PRKCA: variants seen among roughly 807,000 people sequenced by gnomAD.
The protein encoded by PRKCA is protein kinase C alpha type.
PRKCA carries 27 observed loss-of-function variants against 87.0 expected under a neutral mutation model. The ratio of observed to expected loss-of-function variants is 0.31; its 90% CI spans 0.23 to 0.43. The LOEUF (loss-of-function observed/expected upper bound fraction) is 0.43. PRKCA is among the 20% of genes least tolerant of loss of function. The probability of loss-of-function intolerance (pLI) is 1.00; values close to 1 mark genes in which losing one functional copy is unlikely to be tolerated. For missense variants in PRKCA, 518 were observed against 852.3 expected (o/e 0.61, Z 4.88); for synonymous variants, 329 against 311.1 (o/e 1.06, Z -0.61).
In PRKCA at chr17:66,797,677, T is replaced by C. The variant is rs1424727917; in HGVS notation, c.1855-6196T>C. The stretch of plus-strand genomic sequence containing the variant: ...CCAAAGCTATATACATTGGGGCTCT[T>C]GATCTCTGGCCACATCCTTCTCCCC... On this transcript the variant is annotated intron_variant, in intron 16 of 16. Coordinates refer to ENST00000413366, the MANE Select transcript of PRKCA (RefSeq NM_002737.3). Among the ~76,000 whole-genome samples the C allele has an allele frequency of 3.9e-5, 6 of 152,190 alleles. No homozygotes were observed. The East Asian group carries it at 1.2e-3, about 29-fold the overall frequency.
rs192852935 is a variant in PRKCA, at chr17:66,452,725, G to C, written c.206-43476G>C. The stretch of plus-strand genomic sequence containing the variant: ...TAACTAGACAAAAAATTAGCTGGGC[G>C]TGGTGGCGGGTGCCTGTAGTCCCAG... On this transcript the variant is annotated intron_variant, in intron 2 of 16. Coordinates refer to ENST00000413366, the MANE Select transcript of PRKCA (RefSeq NM_002737.3). 6.4e-3 allele frequency among the ~76,000 whole-genome samples: 979 copies of C among 152,222 alleles called. 4 individuals carry two copies. The highest frequency in any genetic ancestry group is 0.01 in the Middle Eastern group (3 of 294).
At chr17:66,308,104 G>A (rs1002425736) in intron 2 of PRKCA, among the ~76,000 whole-genome samples, 6 of 152,166 alleles carry the variant, frequency 3.9e-5, no homozygotes, top group East Asian at 1.9e-4. Context: ...TTTGTAATTC[G>A]TTCTTACTAG....
At chr17:66,380,097 G>A (rs1421733031) in intron 2 of PRKCA, among the ~76,000 whole-genome samples, 1 of 152,052 alleles carries the variant, frequency 6.6e-6, no homozygotes, top group Non-Finnish European at 1.5e-5. Context: ...AAATTGAGCT[G>A]ACTACTAAGA....
At chr17:66,361,461 G>A (rs984912560) in intron 2 of PRKCA, among the ~76,000 whole-genome samples, 1 of 151,810 alleles carries the variant, frequency 6.6e-6, no homozygotes, top group Non-Finnish European at 1.5e-5. Flanking sequence ...ACAGGCACCC[G>A]CCACCACGCC....
At position 66,525,929 on chromosome 17, in the gene PRKCA, C is replaced by T. The variant is rs73338577; in HGVS notation, c.288+29646C>T. ...TATAAACAATATTTTATTTAATGCC[C>T]TTGCTAATAATACTTCCTATAAATA... On this transcript the variant is annotated intron_variant, in intron 3 of 16. Coordinates refer to ENST00000413366, the MANE Select transcript of PRKCA (RefSeq NM_002737.3). 0.014 allele frequency among the ~76,000 whole-genome samples: 2,176 copies of T among 152,088 alleles called. 116 individuals are homozygous for T. The East Asian group carries it at 0.2, about 14-fold the overall frequency.
intron 2 of PRKCA, among the ~76,000 whole-genome samples, chr17:66,414,191 G>A (rs1376113123): frequency 1.3e-5 from 2 of 152,120 alleles, no homozygotes; most frequent in Non-Finnish European, 2.9e-5. Flanking sequence ...GTGATCCCCA[G>A]TGTTGGAGGT....
At position 66,626,844 on chromosome 17, in the gene PRKCA, A is replaced by G. The variant is rs112391400; in HGVS notation, c.289-14511A>G. On this transcript the variant is annotated intron_variant, in intron 3 of 16. Transcript: ENST00000413366. ...AAATGTTGAGTTATTCTAAGTTTAA[A>G]GTGGCTAATAGGAGAAACAATAATT... Among the ~76,000 whole-genome samples the G allele has an allele frequency of 3.5e-4, 54 of 152,314 alleles. 1 individual carries two copies. The highest frequency in any genetic ancestry group is 1.3e-3 in the African/African-American group (52 of 41,584).
Position 66,763,066 on chromosome 17 carries a change from C to T in PRKCA, c.1525-10921C>T, listed in dbSNP as rs187132348. 3.4e-4 allele frequency among the ~76,000 whole-genome samples: 52 copies of T among 152,362 alleles called. 1 individual carries two copies. In the East Asian group the frequency reaches 9.6e-3, roughly 28 times the overall value. On this transcript the variant is annotated intron_variant, in intron 13 of 16. Coordinates refer to ENST00000413366, the MANE Select transcript of PRKCA (RefSeq NM_002737.3). The stretch of plus-strand genomic sequence containing the variant: ...TTGGCCTCCCAAAGTGCTGGGATTA[C>T]AGGCATGAGCCACTGTGCCCAGCTT...
intron 3 of PRKCA, among the ~76,000 whole-genome samples, chr17:66,504,487 G>A (rs1301085165): frequency 6.6e-6 from 1 of 152,138 alleles, no homozygotes. Context: ...AGCTACTTGG[G>A]AGACTGAGGC....
At chr17:66,378,060 C>T (rs181289861) in intron 2 of PRKCA, among the ~76,000 whole-genome samples, 3 of 152,268 alleles carry the variant, frequency 2.0e-5, no homozygotes, top group Admixed American at 6.5e-5. Flanking sequence ...TGGTGGCTTA[C>T]GCCTGTAATC....
chr17:66,778,309 T>G (rs531555480), intron 14 of PRKCA: 64 of 740,862 alleles, frequency 8.6e-5, no homozygotes, highest in Non-Finnish European at 9.9e-5. Flanking sequence ...GTCAGGAGAT[T>G]GAGACCATCC....
At chr17:66,403,225 T>C (rs1911141972) in intron 2 of PRKCA, among the ~76,000 whole-genome samples, 2 of 152,212 alleles carry the variant, frequency 1.3e-5, no homozygotes, top group Admixed American at 6.5e-5. Context: ...TGGTTTAATA[T>C]TACATGTTTT....
chr17:66,796,897 T>C (rs1397133966), intron 16 of PRKCA: 6 of 985,242 alleles, frequency 6.1e-6, no homozygotes, highest in Non-Finnish European at 7.2e-6. Context: ...AAGGGGTAGC[T>C]CCCACCTCGT....
intron 2 of PRKCA, among the ~76,000 whole-genome samples, chr17:66,369,682 G>A (rs1001311233): frequency 6.6e-6 from 1 of 152,130 alleles, no homozygotes; most frequent in East Asian, 1.9e-4. Flanking sequence ...ATTGGATCTG[G>A]CTCTGTCCAC....
chr17:66,715,321 T>G (rs913955412), intron 8 of PRKCA, among the ~76,000 whole-genome samples: 2 of 152,190 alleles, frequency 1.3e-5, no homozygotes, highest in Admixed American at 6.5e-5. Flanking sequence ...TGTGCTCGCT[T>G]AGCTTCAATT....
intron 3 of PRKCA, among the ~76,000 whole-genome samples, chr17:66,631,843 T>G (rs1971024022): frequency 6.6e-6 from 1 of 152,202 alleles, no homozygotes; most frequent in Admixed American, 6.5e-5. Flanking sequence ...TCACAAAAGT[T>G]AAAAATAAAT....
intron 16 of PRKCA, among the ~76,000 whole-genome samples, chr17:66,790,662 G>A (rs75956211): frequency 0.019 from 2,928 of 152,314 alleles, 38 homozygotes; most frequent in Non-Finnish European, 0.031. Flanking sequence ...CCGCCTTGAG[G>A]GTTGGGCAAA....
At chr17:66,553,044 T>G (rs564864188) in intron 3 of PRKCA, among the ~76,000 whole-genome samples, 52 of 152,102 alleles carry the variant, frequency 3.4e-4, no homozygotes, top group African/African-American at 1.1e-3. Flanking sequence ...TGCAGTGGTG[T>G]GATCTTGGCT....
chr17:66,756,000 G>T (rs1243061993), intron 13 of PRKCA, among the ~76,000 whole-genome samples: 1 of 152,152 alleles, frequency 6.6e-6, no homozygotes, highest in Admixed American at 6.5e-5. Context: ...TAGTGCTGGG[G>T]TGCAAAAACC....
Sources: allele counts gnomAD v4.1 joint callset (sites outside exome capture counted in the v4.1 genomes callset), GRCh38; gene constraint gnomAD v4.1.1; transcripts MANE v1.5; gene names NCBI Gene and HGNC (gene_info 2026-07-23, HGNC 2026-07-21).